Variants in RNF152 observed in about 807,000 individuals in gnomAD.
RNF152 encodes the protein E3 ubiquitin-protein ligase RNF152.
In RNF152, 11 loss-of-function variants were observed where a neutral mutation model predicts 12.7. That is an observed-to-expected ratio of 0.86 (90% CI 0.54 to 1.43). The LOEUF (loss-of-function observed/expected upper bound fraction) is 1.43. RNF152 is among the 40% of genes most tolerant of loss of function. The pLI is 0.00. For missense variants in RNF152, 255 were observed against 274.8 expected, an observed-to-expected ratio of 0.93 and a Z score of 0.51; for synonymous variants, 113 against 120.3, an observed-to-expected ratio of 0.94 and a Z score of 0.40.
chr18:61,820,222 G>C (rs548730728), intron 1 of RNF152, among the ~76,000 whole-genome samples: 1 of 147,856 alleles, frequency 6.8e-6, no homozygotes, highest in Non-Finnish European at 1.5e-5. Context: ...CCAGCTACTC[G>C]GGAGGCTGAG....
chr18:61,845,121 T>A (rs1264911278), intron 1 of RNF152, among the ~76,000 whole-genome samples: 20 of 152,228 alleles, frequency 1.3e-4, no homozygotes, highest in Admixed American at 1.3e-3. Context: ...GATCTCACTC[T>A]GTTGCCCAGG....
At chr18:61,856,059 G>T (rs1466775958) in intron 1 of RNF152, among the ~76,000 whole-genome samples, 1 of 152,144 alleles carries the variant, frequency 6.6e-6, no homozygotes, top group South Asian at 2.1e-4. Flanking sequence ...AGTTCTCTGG[G>T]TGTCAGGGTT....
intron 1 of RNF152, among the ~76,000 whole-genome samples, chr18:61,880,607 C>T (rs1210705822): frequency 6.6e-6 from 1 of 152,184 alleles, no homozygotes; most frequent in African/African-American, 2.4e-5. Context: ...AGTTATCTCC[C>T]CCACTCTCCC....
At chr18:61,828,629 G>C (rs913991450) in intron 1 of RNF152, among the ~76,000 whole-genome samples, 4 of 152,086 alleles carry the variant, frequency 2.6e-5, no homozygotes, top group Non-Finnish European at 2.9e-5. Context: ...TATTGGTTTA[G>C]AAAAAAATGT....
chr18:61,844,148 G>C (rs993733265), intron 1 of RNF152, among the ~76,000 whole-genome samples: 4 of 85,498 alleles, frequency 4.7e-5, no homozygotes, highest in African/African-American at 1.4e-4. Context: ...GAAATTAAGA[G>C]AAAAGGAAGG....
chr18:61,849,442 A>G (rs1366707620), intron 1 of RNF152, among the ~76,000 whole-genome samples: 3 of 152,150 alleles, frequency 2.0e-5, no homozygotes, highest in Non-Finnish European at 4.4e-5. Flanking sequence ...AATTACAACG[A>G]ATAACTACAA....
chr18:61,835,660 CAAGT>C (rs1819417979), intron 1 of RNF152, among the ~76,000 whole-genome samples: 2 of 152,010 alleles, frequency 1.3e-5, no homozygotes, highest in South Asian at 4.1e-4. Flanking sequence ...CAAACAGAAA[CAAGT>C]AAACTGGATT....
intron 1 of RNF152, among the ~76,000 whole-genome samples, chr18:61,866,915 T>C (rs565216727): frequency 1.3e-5 from 2 of 152,268 alleles, no homozygotes; most frequent in South Asian, 4.2e-4. Flanking sequence ...AAAAACAGAC[T>C]TAGGGGCTTG....
chr18:61,836,694 G>C (rs1445547166), intron 1 of RNF152, among the ~76,000 whole-genome samples: 1 of 151,664 alleles, frequency 6.6e-6, no homozygotes, highest in Non-Finnish European at 1.5e-5. Flanking sequence ...AGCTAGCTAA[G>C]ACAGATGGTA....
intron 1 of RNF152, among the ~76,000 whole-genome samples, chr18:61,846,111 G>A (rs1337423518): frequency 6.6e-6 from 1 of 152,126 alleles, no homozygotes; most frequent in Admixed American, 6.5e-5. Flanking sequence ...CTCCAGAACT[G>A]TGAGTAATAA....
At chr18:61,838,661 A>C (rs1289440629) in intron 1 of RNF152, among the ~76,000 whole-genome samples, 1 of 152,200 alleles carries the variant, frequency 6.6e-6, no homozygotes, top group African/African-American at 2.4e-5. Flanking sequence ...ATTCACGGCC[A>C]GGAAGACAAG....
chr18:61,861,805 A>G (rs1911499371), intron 1 of RNF152, among the ~76,000 whole-genome samples: 1 of 152,144 alleles, frequency 6.6e-6, no homozygotes. Flanking sequence ...GCTCTTTGTA[A>G]CAACCAGCCC....
intron 1 of RNF152, among the ~76,000 whole-genome samples, chr18:61,865,196 G>A (rs529037706): frequency 3.9e-5 from 6 of 152,094 alleles, no homozygotes; most frequent in East Asian, 3.9e-4. Flanking sequence ...CAAATTGTCC[G>A]GCACATATAC....
At position 61,816,086 on chromosome 18, in the gene RNF152, C is replaced by T. The variant is rs780909887; in HGVS notation, c.378G>A (p.Gln126=). ...DMGCRLLPGS[Q]QKSVTVVTIP... is the part of the protein sequence containing the mutation. Reference sequence around the variant, plus strand: ...TGGTCACCACGGTGACGGACTTCTGCTGGCTCCCGGGCAGCAGGCGGCAGC... The same window carrying T: ...TGGTCACCACGGTGACGGACTTCTGTTGGCTCCCGGGCAGCAGGCGGCAGC... The change falls in exon 2 of 2, where the codon CAG becomes CAA. Residue 126 remains glutamine, a synonymous_variant. Transcript: ENST00000312828. 1 of 1,614,230 alleles carries T rather than the reference C, an allele frequency of 6.2e-7. No homozygotes were observed. The highest frequency in any genetic ancestry group is 1.1e-5 in the South Asian group (1 of 91,086).
At chr18:61,851,049 CTGTT>C (rs1419524791) in intron 1 of RNF152, among the ~76,000 whole-genome samples, 2 of 150,384 alleles carry the variant, frequency 1.3e-5, no homozygotes, top group Non-Finnish European at 2.9e-5. Flanking sequence ...TGACCTTTCT[CTGTT>C]TGGTCCTCAA....
intron 1 of RNF152, among the ~76,000 whole-genome samples, chr18:61,845,275 G>A (rs926179829): frequency 1.3e-5 from 2 of 152,206 alleles, no homozygotes; most frequent in African/African-American, 4.8e-5. Flanking sequence ...ATTCACTTGT[G>A]GAGGTGACAG....
intron 1 of RNF152, among the ~76,000 whole-genome samples, chr18:61,817,492 G>A (rs897287904): frequency 4.6e-5 from 7 of 152,036 alleles, no homozygotes; most frequent in African/African-American, 1.2e-4. Context: ...CTGCATCTGC[G>A]ACCAAATGAC....
chr18:61,856,144 A>T (rs551185325), intron 1 of RNF152, among the ~76,000 whole-genome samples: 299 of 152,310 alleles, frequency 2.0e-3, no homozygotes, highest in Non-Finnish European at 3.4e-3. Context: ...AAAAGCTTCT[A>T]AAAGCTCCAT....
chr18:61,816,924 CTAA>C (rs1909130562), intron 1 of RNF152, among the ~76,000 whole-genome samples: 2 of 152,210 alleles, frequency 1.3e-5, no homozygotes, highest in African/African-American at 4.8e-5. Flanking sequence ...GGTCATCCTT[CTAA>C]AATATACTAG....
Sources: gnomAD v4.1 joint callset for allele counts (sites outside exome capture counted in the v4.1 genomes callset) on GRCh38, gnomAD v4.1.1 for gene constraint, MANE v1.5 for transcripts, NCBI Gene and HGNC (gene_info 2026-07-23, HGNC 2026-07-21) for gene names.